Variants in TMC7 observed in about 807,000 individuals in gnomAD.
The protein encoded by TMC7 is transmembrane channel like 7, also known as transmembrane channel-like protein 7.
A neutral mutation model predicts 82.9 loss-of-function variants in TMC7; 54 were observed. The ratio of observed to expected loss-of-function variants is 0.65; its 90% CI spans 0.52 to 0.82. The LOEUF is 0.82. Among genes scored for constraint, TMC7 ranks in the 40% least tolerant of loss-of-function variants. The pLI is 0.00. For missense variants in TMC7, 820 were observed against 901.2 expected, an observed-to-expected ratio of 0.91 and a Z score of 1.15; for synonymous variants, 350 against 337.9, an observed-to-expected ratio of 1.04 and a Z score of -0.39.
intron 1 of TMC7, among the ~76,000 whole-genome samples, chr16:18,996,072 G>C (rs941327992): frequency 6.6e-6 from 1 of 152,176 alleles, no homozygotes; most frequent in Non-Finnish European, 1.5e-5. Flanking sequence ...TGGGCAGGTA[G>C]GGGAGGGCTA....
chr16:19,023,396 A>G (rs1960074964), intron 5 of TMC7, among the ~76,000 whole-genome samples: 2 of 152,172 alleles, frequency 1.3e-5, no homozygotes, highest in Admixed American at 1.3e-4. Flanking sequence ...GTCAGGAAAT[A>G]TGCTTTATCA....
At position 18,984,984 on chromosome 16, in the gene TMC7, G is replaced by T. The variant is rs927892804; in HGVS notation, c.67+854G>T. Among the ~76,000 whole-genome samples the T allele has an allele frequency of 1.2e-4, 18 of 152,248 alleles. No homozygotes were observed. The South Asian group carries it at 1.4e-3, about 12-fold the overall frequency. ...TTACTGAAACCAAGGATGTAGGGCC[G>T]GGCGTGGTGGCTCACGCCTGTAATC... On this transcript the variant is annotated intron_variant, in intron 1 of 15. Coordinates refer to ENST00000304381, the MANE Select transcript of TMC7 (RefSeq NM_024847.4).
intron 15 of TMC7, among the ~76,000 whole-genome samples, chr16:19,060,583 G>A (rs1364125293): frequency 6.6e-6 from 1 of 152,066 alleles, no homozygotes; most frequent in African/African-American, 2.4e-5. Context: ...GAGGCAAAGA[G>A]CACAGTAAAG....
rs751893078 is a variant in TMC7, at chr16:19,021,752, A to G, written c.584A>G (p.Lys195Arg). The part of the protein sequence containing the change: ...VLLPVLLTKY[K>R]ITNSSFVLIP... ...CTCCCAGTCTTACTCACGAAATACA[A>G]GATCACCAACAGCAGCTTCGTGCTC... The change falls in exon 4 of 16, where the codon AAG (lysine) becomes AGG (arginine). Residue 195 changes from lysine (K) to arginine (R), a missense_variant. Lys to Arg is a conservative substitution (Grantham distance 26). This residue lies in a region of TMC7 where 650 missense variants were observed against 669.9 expected (regional missense o/e 0.97). Transcript: ENST00000304381. 6.2e-7 allele frequency: 1 copy of G among 1,614,180 alleles called. No homozygotes were observed. The highest frequency in any genetic ancestry group is 8.5e-7 in the Non-Finnish European group (1 of 1,180,032).
At chr16:18,987,353 C>T (rs1194451922) in intron 1 of TMC7, among the ~76,000 whole-genome samples, 3 of 152,068 alleles carry the variant, frequency 2.0e-5, no homozygotes, top group Non-Finnish European at 4.4e-5. Context: ...CTCTGTTGCC[C>T]AGGCTGGAGT....
intron 1 of TMC7, among the ~76,000 whole-genome samples, chr16:18,994,523 A>G (rs1442232598): frequency 1.3e-5 from 2 of 151,206 alleles, no homozygotes; most frequent in African/African-American, 4.9e-5. Flanking sequence ...GGTGGGGATG[A>G]GTTAGGGAGA....
chr16:18,997,400 C>T (rs1007385019), intron 1 of TMC7, among the ~76,000 whole-genome samples: 1 of 152,052 alleles, frequency 6.6e-6, no homozygotes, highest in East Asian at 1.9e-4. Flanking sequence ...GACAGGGTCT[C>T]ACTCTGTCAC....
chr16:19,001,482 A>T (rs1158653466), intron 1 of TMC7, among the ~76,000 whole-genome samples: 1 of 152,156 alleles, frequency 6.6e-6, no homozygotes, highest in Admixed American at 6.5e-5. Context: ...GAAGTTCGAG[A>T]CTAGCCTGGG....
chr16:19,001,987 G>A (rs925067776), intron 1 of TMC7, among the ~76,000 whole-genome samples: 2 of 152,166 alleles, frequency 1.3e-5, no homozygotes, highest in African/African-American at 4.8e-5. Flanking sequence ...AACCCCTGCT[G>A]TGAACTCAGC....
intron 12 of TMC7, among the ~76,000 whole-genome samples, chr16:19,049,911 AT>A (rs774830760): frequency 2.0e-5 from 3 of 152,076 alleles, no homozygotes; most frequent in Non-Finnish European, 4.4e-5. Context: ...CCCATTTGAT[AT>A]TTCCTTCAAG....
intron 12 of TMC7, among the ~76,000 whole-genome samples, chr16:19,049,937 A>G (rs957961500): frequency 2.0e-5 from 3 of 152,124 alleles, no homozygotes; most frequent in Non-Finnish European, 2.9e-5. Flanking sequence ...TCTTCCCTCA[A>G]TGGAAATACT....
intron 12 of TMC7, chr16:19,049,800 C>T (rs1382859422): frequency 3.8e-6 from 1 of 260,648 alleles, no homozygotes. Flanking sequence ...GATGTTCCGG[C>T]TCCTCCTGAA....
Position 19,016,503 on chromosome 16 carries a change from G to A in TMC7, c.365G>A (p.Arg122Gln), listed in dbSNP as rs746148531. ...KYLSEWDQWK[R>Q]YSSKSWKRFL... The stretch of plus-strand genomic sequence containing the variant: ...CTCTCCGAATGGGACCAGTGGAAGC[G>A]GTATAGCAGCAAGTCTTGGAAGAGG... Residue 122 changes from arginine (R) to glutamine (Q), a missense_variant, in exon 3 of 16, where the codon CGG becomes CAG. Arg to Gln is a conservative substitution (Grantham distance 43). Transcript: ENST00000304381. 3.2e-5 allele frequency: 52 copies of A among 1,614,072 alleles called. No homozygotes were observed. The East Asian group carries it at 3.6e-4, about 11-fold the overall frequency.
At chr16:19,056,443 T>C (rs1186616091) in intron 13 of TMC7, 99 bp from the exon 14 acceptor site, 3 of 1,431,260 alleles carry the variant, frequency 2.1e-6, no homozygotes, top group African/African-American at 2.8e-5. Flanking sequence ...GGTGGCTCCC[T>C]GTAGGCCATT....
chr16:19,031,780 A>G (rs1960527024), intron 6 of TMC7, among the ~76,000 whole-genome samples: 1 of 152,224 alleles, frequency 6.6e-6, no homozygotes, highest in Non-Finnish European at 1.5e-5. Context: ...ATAGTATTCT[A>G]GGACTAAAGT....
At chr16:19,033,278 T>TATC (rs939717775) in intron 6 of TMC7, among the ~76,000 whole-genome samples, 9 of 152,120 alleles carry the variant, frequency 5.9e-5, no homozygotes, top group African/African-American at 1.4e-4. Context: ...AAGTTAAAAT[T>TATC]ATCATCATCA....
chr16:19,040,600 G>A (rs1960969235), intron 9 of TMC7, among the ~76,000 whole-genome samples, 154 bp downstream of exon 9: 1 of 152,118 alleles, frequency 6.6e-6, no homozygotes, highest in Non-Finnish European at 1.5e-5. Flanking sequence ...GAATGAATCA[G>A]AATTTGTATA....
chr16:19,003,460 G>A (rs1412385499), intron 1 of TMC7, among the ~76,000 whole-genome samples: 3 of 146,596 alleles, frequency 2.0e-5, no homozygotes, highest in South Asian at 2.2e-4. Context: ...GGTGAGGGGC[G>A]CCTCTGCCCG....
rs150887087 is a variant in TMC7 at position 19,048,903 on chromosome 16, A to G, written c.1740+1654A>G. Among the ~76,000 whole-genome samples the G allele has an allele frequency of 5.9e-3, 892 of 152,308 alleles. 6 individuals are homozygous for G. Among genetic ancestry groups the G allele is most frequent in the Middle Eastern group, 0.02 (6 of 294 alleles). ...GAAAATCATAACAATAGTGTTAATA[A>G]TGATAATAATGGTGTTAGTAATAAT... On this transcript the variant is annotated intron_variant, in intron 12 of 15. Coordinates refer to ENST00000304381, the MANE Select transcript of TMC7 (RefSeq NM_024847.4).
Sources: gnomAD v4.1 joint callset for allele counts (sites outside exome capture counted in the v4.1 genomes callset) on GRCh38, gnomAD v4.1.1 for gene constraint, gnomAD v4.1.1 regional missense constraint, MANE v1.5 for transcripts, NCBI Gene and HGNC (gene_info 2026-07-23, HGNC 2026-07-21) for gene names.